Variants in CSMD3 observed in about 807,000 individuals in gnomAD.
CSMD3 encodes CUB and Sushi multiple domains 3.
Under a neutral mutation model 435.2 loss-of-function variants are expected in CSMD3, and 177 were observed. That is an observed-to-expected ratio of 0.41 (90% CI 0.36 to 0.46). The LOEUF (loss-of-function observed/expected upper bound fraction) is 0.46. Among genes scored for constraint, CSMD3 ranks in the 20% least tolerant of loss-of-function variants. The probability of loss-of-function intolerance (pLI) is 0.34; values close to 1 mark genes in which losing one functional copy is unlikely to be tolerated. For missense variants in CSMD3, 4,265 were observed against 4,504.6 expected, an observed-to-expected ratio of 0.95 and a Z score of 1.52; for synonymous variants, 1,656 against 1,520.5, an observed-to-expected ratio of 1.09 and a Z score of -2.07.
chr8:113,017,343 G>A (rs2086502302), intron 6 of CSMD3, among the ~76,000 whole-genome samples: 1 of 151,918 alleles, frequency 6.6e-6, no homozygotes, highest in South Asian at 2.1e-4. Context: ...TTGTGCCATT[G>A]TCTTATAGTG....
chr8:112,689,802 C>G, intron 14 of CSMD3, 66 bp downstream of exon 14: 3 of 1,421,356 alleles, frequency 2.1e-6, no homozygotes, highest in Non-Finnish European at 3.0e-6. Context: ...CAATTAATTA[C>G]AAAAGCAATT....
intron 59 of CSMD3, among the ~76,000 whole-genome samples, chr8:112,266,934 C>T (rs940865422): frequency 2.6e-5 from 4 of 152,104 alleles, no homozygotes; most frequent in Non-Finnish European, 5.9e-5. Context: ...ACTTAACATG[C>T]CTTTTAGTCT....
chr8:112,669,154 T>C (rs1446586912), intron 16 of CSMD3, among the ~76,000 whole-genome samples: 1 of 151,922 alleles, frequency 6.6e-6, no homozygotes, highest in East Asian at 1.9e-4. Flanking sequence ...TGCCTCAGCC[T>C]CCCGAGTAGC....
At chr8:112,596,900 C>T (rs1831781382) in intron 22 of CSMD3, among the ~76,000 whole-genome samples, 1 of 151,186 alleles carries the variant, frequency 6.6e-6, no homozygotes, top group South Asian at 2.1e-4. Flanking sequence ...ACTAAATGCC[C>T]ACAAGAGAAA....
At chr8:112,932,617 G>A (rs1424199382) in intron 9 of CSMD3, among the ~76,000 whole-genome samples, 1 of 151,852 alleles carries the variant, frequency 6.6e-6, no homozygotes, top group African/African-American at 2.4e-5. Context: ...CAGCCTGGGA[G>A]ACAGAGCGAG....
intron 4 of CSMD3, among the ~76,000 whole-genome samples, chr8:113,166,542 T>C (rs2131855108): frequency 6.6e-6 from 1 of 152,190 alleles, no homozygotes; most frequent in African/African-American, 2.4e-5. Flanking sequence ...TAAAGTAAAA[T>C]ATGTATGTGT....
intron 1 of CSMD3, among the ~76,000 whole-genome samples, chr8:113,429,621 A>G (rs929025947): frequency 1.3e-5 from 2 of 152,088 alleles, no homozygotes; most frequent in African/African-American, 4.8e-5. Flanking sequence ...ATCATTTTTA[A>G]AATTTTACCA....
At chr8:112,910,832 C>T (rs1433312419) in intron 10 of CSMD3, among the ~76,000 whole-genome samples, 1 of 151,900 alleles carries the variant, frequency 6.6e-6, no homozygotes, top group Non-Finnish European at 1.5e-5. Context: ...GTGGCTTATA[C>T]ATCACTAATT....
intron 17 of CSMD3, among the ~76,000 whole-genome samples, chr8:112,661,559 A>C (rs1463542931): frequency 1.3e-5 from 2 of 152,160 alleles, no homozygotes; most frequent in African/African-American, 4.8e-5. Context: ...TTGAGCTGAA[A>C]GATACTAGGT....
chr8:113,181,917 G>C (rs1007836787), intron 3 of CSMD3, among the ~76,000 whole-genome samples: 1 of 151,966 alleles, frequency 6.6e-6, no homozygotes, highest in Non-Finnish European at 1.5e-5. Flanking sequence ...AAGACTTTTG[G>C]ATAAAGGTAA....
intron 27 of CSMD3, among the ~76,000 whole-genome samples, chr8:112,550,311 T>G (rs1469644853): frequency 6.6e-6 from 1 of 152,000 alleles, no homozygotes; most frequent in Admixed American, 6.6e-5. Context: ...TAGCAAGTAG[T>G]CATTTCCTTC....
intron 6 of CSMD3, among the ~76,000 whole-genome samples, chr8:112,978,898 T>C (rs1023544391): frequency 3.3e-5 from 5 of 151,770 alleles, no homozygotes; most frequent in African/African-American, 1.2e-4. Flanking sequence ...AAATAATAAA[T>C]AAAGAATGAA....
At chr8:113,138,740 C>A (rs1048451365) in intron 4 of CSMD3, among the ~76,000 whole-genome samples, 1 of 150,462 alleles carries the variant, frequency 6.6e-6, no homozygotes, top group African/African-American at 2.4e-5. Flanking sequence ...GCTGTGTGAT[C>A]AAGTAGAAAT....
chr8:112,288,972 A>G (rs1819496671), intron 57 of CSMD3, among the ~76,000 whole-genome samples: 1 of 152,118 alleles, frequency 6.6e-6, no homozygotes. Flanking sequence ...CTGAACTCTG[A>G]CAGAAAACCA....
At chr8:113,035,090 CT>C (rs1441147417) in intron 5 of CSMD3, among the ~76,000 whole-genome samples, 1 of 151,668 alleles carries the variant, frequency 6.6e-6, no homozygotes, top group Non-Finnish European at 1.5e-5. Flanking sequence ...AGAAAACAAT[CT>C]ATGCAGGAGT....
At chr8:112,702,920 C>T (rs902210319) in intron 13 of CSMD3, among the ~76,000 whole-genome samples, 1 of 152,018 alleles carries the variant, frequency 6.6e-6, no homozygotes, top group African/African-American at 2.4e-5. Flanking sequence ...ATGGTACAAT[C>T]CTTTGTTAGT....
intron 25 of CSMD3, among the ~76,000 whole-genome samples, chr8:112,554,684 G>A (rs2131213787): frequency 6.6e-6 from 1 of 151,992 alleles, no homozygotes; most frequent in African/African-American, 2.4e-5. Flanking sequence ...GTCATATGCT[G>A]TAGTACTGGA....
intron 6 of CSMD3, among the ~76,000 whole-genome samples, chr8:113,009,635 A>T (rs1172798263): frequency 6.6e-6 from 1 of 151,854 alleles, no homozygotes; most frequent in African/African-American, 2.4e-5. Flanking sequence ...AAATCTAAAC[A>T]GTAATTGCTA....
intron 16 of CSMD3, among the ~76,000 whole-genome samples, chr8:112,680,425 C>T (rs558245125): frequency 3.9e-5 from 6 of 152,178 alleles, no homozygotes; most frequent in South Asian, 2.1e-4. Flanking sequence ...TCCCCAAAGC[C>T]GGATCAAAAA....
Sources: gnomAD v4.1 joint callset for allele counts (sites outside exome capture counted in the v4.1 genomes callset) on GRCh38, gnomAD v4.1.1 for gene constraint, MANE v1.5 for transcripts, NCBI Gene and HGNC (gene_info 2026-07-23, HGNC 2026-07-21) for gene names.